The following NECTIN1 variants were observed in gnomAD, a reference collection of about 807,000 sequenced individuals.
The protein encoded by NECTIN1 is nectin cell adhesion molecule 1.
A neutral mutation model predicts 48.0 loss-of-function variants in NECTIN1; 23 were observed. The ratio of observed to expected loss-of-function variants is 0.48; its 90% CI spans 0.34 to 0.68. NECTIN1 has a LOEUF of 0.68. Ranked by LOEUF, NECTIN1 falls within the 30% of genes least tolerant of loss-of-function variation. The probability of loss-of-function intolerance (pLI) is 0.01; values close to 1 mark genes in which losing one functional copy is unlikely to be tolerated. For missense variants in NECTIN1, 591 were observed against 709.9 expected, an observed-to-expected ratio of 0.83 and a Z score of 1.90; for synonymous variants, 270 against 288.9, an observed-to-expected ratio of 0.93 and a Z score of 0.66.
chr11:119,682,763 C>T (rs1373120761), intron 1 of NECTIN1, among the ~76,000 whole-genome samples: 2 of 151,984 alleles, frequency 1.3e-5, no homozygotes, highest in African/African-American at 4.8e-5. Flanking sequence ...TCATCATCAC[C>T]ATCATCTTTC....
intron 5 of NECTIN1, among the ~76,000 whole-genome samples, chr11:119,644,516 C>T (rs1591436395): frequency 6.6e-6 from 1 of 152,338 alleles, no homozygotes; most frequent in East Asian, 1.9e-4. Context: ...GTTGTTCCTC[C>T]TTCAGTTAGA....
chr11:119,712,316 G>C (rs1026170615), intron 1 of NECTIN1, among the ~76,000 whole-genome samples: 1 of 148,240 alleles, frequency 6.7e-6, no homozygotes, highest in Non-Finnish European at 1.5e-5. Context: ...TCAAGGTCAC[G>C]GTCCCAGAGA....
rs1361814143 is a variant in NECTIN1 at position 119,663,230 on chromosome 11, G to A, written c.*1517C>T. 5.1e-6 allele frequency: 5 copies of A among 985,384 alleles called. No individual in the cohort carries two copies. The highest frequency in any genetic ancestry group is 6.0e-6 in the Non-Finnish European group (5 of 829,962). The allele number at this position is 985,384 out of a possible 1,614,324, so 61.0% of individuals were successfully genotyped here. ...CTCCATCCCAGGGTCCTTCCCATGG[G>A]CATGCCTGTCTAGAGTGCCAGGGGA... On this transcript the variant is annotated 3_prime_UTR_variant, in exon 6 of 6. Transcript: ENST00000264025.
intron 1 of NECTIN1, among the ~76,000 whole-genome samples, chr11:119,706,462 G>T (rs561987364): frequency 6.6e-6 from 1 of 152,234 alleles, no homozygotes; most frequent in Admixed American, 6.5e-5. Flanking sequence ...AGAACTGCTG[G>T]TTGCCTAGGA....
At chr11:119,654,369 T>A (rs1242134481) in intron 5 of NECTIN1, 1 of 152,042 alleles carries the variant, frequency 6.6e-6, no homozygotes, top group African/African-American at 2.4e-5. Context: ...CATGCCAACC[T>A]CCTAAGGTCA....
chr11:119,680,784 C>G (rs568970143), intron 1 of NECTIN1, among the ~76,000 whole-genome samples: 1 of 152,374 alleles, frequency 6.6e-6, no homozygotes, highest in South Asian at 2.1e-4. Flanking sequence ...AGGCCTATCC[C>G]CACCCTCACT....
At chr11:119,717,028 G>A (rs1865754477) in intron 1 of NECTIN1, among the ~76,000 whole-genome samples, 3 of 152,278 alleles carry the variant, frequency 2.0e-5, no homozygotes, top group South Asian at 4.1e-4. Flanking sequence ...GGGGCTAGCA[G>A]TAATGGAGTG....
At position 119,701,955 on chromosome 11, in the gene NECTIN1, C is replaced by T. The variant is rs898499520; in HGVS notation, c.80-23190G>A. Among the ~76,000 whole-genome samples, 6 of 152,190 alleles carry T rather than the reference C, an allele frequency of 3.9e-5. No individual in the cohort carries two copies. In the East Asian group the frequency reaches 7.7e-4, roughly 20 times the overall value. On this transcript the variant is annotated intron_variant, in intron 1 of 5. Coordinates refer to ENST00000264025, the MANE Select transcript of NECTIN1 (RefSeq NM_002855.5). Reference sequence around the variant, plus strand: ...ACTCCCAATTATCTCCCTCTATGCCCGCCGGCTCCAGGGGCGACAGTTGTA... The same window carrying T: ...ACTCCCAATTATCTCCCTCTATGCCTGCCGGCTCCAGGGGCGACAGTTGTA...
chr11:119,692,798 C>A (rs1254697149), intron 1 of NECTIN1, among the ~76,000 whole-genome samples: 1 of 152,244 alleles, frequency 6.6e-6, no homozygotes, highest in East Asian at 1.9e-4. Flanking sequence ...TGATTCTGAT[C>A]AGGGCAGTCT....
chr11:119,703,066 A>C (rs1311907545), intron 1 of NECTIN1, among the ~76,000 whole-genome samples: 1 of 152,210 alleles, frequency 6.6e-6, no homozygotes, highest in Non-Finnish European at 1.5e-5. Flanking sequence ...GAGAACATGC[A>C]TGGCACCTGT....
chr11:119,657,166 C>T (rs978881785), downstream of NECTIN1, among the ~76,000 whole-genome samples: 3 of 152,212 alleles, frequency 2.0e-5, no homozygotes, highest in African/African-American at 4.8e-5. Flanking sequence ...GCACTCAAAC[C>T]CTATGTGTGT....
In NECTIN1 at chr11:119,638,608, G is replaced by A. The variant is rs916561519; in HGVS notation, c.1227+123C>T. On this transcript the variant is annotated intron_variant, in intron 7 of 7. Transcript: ENST00000341398. ...CCCTCTAGCATGGACCTGGCCTTGTGGGAACTGGACCATGAAGGCGTGGCG... is the reference window on the plus strand; with the variant it reads ...CCCTCTAGCATGGACCTGGCCTTGTAGGAACTGGACCATGAAGGCGTGGCG... The A allele has an allele frequency of 1.5e-5, 14 of 920,160 alleles. No individual in the cohort carries two copies. The African/African-American group carries it at 2.3e-4, about 15-fold the overall frequency. 57.0% of individuals were successfully genotyped at this position (920,160 alleles called of 1,614,324 possible). A position where few individuals can be genotyped will look rare whatever the true frequency, so the allele number is the denominator to read the frequency against.
chr11:119,719,262 G>A (rs1004868745), intron 1 of NECTIN1, among the ~76,000 whole-genome samples: 1 of 152,220 alleles, frequency 6.6e-6, no homozygotes, highest in Non-Finnish European at 1.5e-5. Flanking sequence ...GGACAGGAAT[G>A]TGAATAAGAA....
intron 5 of NECTIN1, among the ~76,000 whole-genome samples, chr11:119,655,863 G>A (rs1322664194): frequency 6.6e-6 from 1 of 152,068 alleles, no homozygotes; most frequent in Non-Finnish European, 1.5e-5. Context: ...TCTTGGGGAA[G>A]GTTGGGCTTC....
In NECTIN1 at chr11:119,661,188, G is replaced by T; in HGVS notation, c.*3559C>A. ...ACGCCGAAGCAAGGTAGCGCATCACGCTGGGAGGGGAGGGTGGCAGCTTCT... is the reference window on the plus strand; with the variant it reads ...ACGCCGAAGCAAGGTAGCGCATCACTCTGGGAGGGGAGGGTGGCAGCTTCT... On this transcript the variant is annotated 3_prime_UTR_variant, in exon 6 of 6. Coordinates refer to ENST00000264025, the MANE Select transcript of NECTIN1 (RefSeq NM_002855.5). 3.0e-6 allele frequency: 3 copies of T among 985,850 alleles called. No individual in the cohort carries two copies. The highest frequency in any genetic ancestry group is 3.6e-6 in the Non-Finnish European group (3 of 829,934). The allele number at this position is 985,850 out of a possible 1,614,324, so 61.1% of individuals were successfully genotyped here. A position where few individuals can be genotyped will look rare whatever the true frequency, so the allele number is the denominator to read the frequency against.
chr11:119,721,165 A>G (rs995062335), intron 1 of NECTIN1, among the ~76,000 whole-genome samples: 1 of 152,196 alleles, frequency 6.6e-6, no homozygotes, highest in African/African-American at 2.4e-5. Context: ...GCCTTCCTCC[A>G]TGGAATGATG....
intron 5 of NECTIN1, chr11:119,642,314 A>G (rs1456980965): frequency 6.6e-6 from 1 of 152,018 alleles, no homozygotes; most frequent in Non-Finnish European, 1.5e-5. Context: ...TCTTCTCAGC[A>G]CAGCTGAGGC....
chr11:119,694,062 C>G (rs1033437922), intron 1 of NECTIN1, among the ~76,000 whole-genome samples: 2 of 152,184 alleles, frequency 1.3e-5, no homozygotes, highest in African/African-American at 4.8e-5. Flanking sequence ...TGAGACCAGT[C>G]TGGGGCAGAA....
chr11:119,716,475 C>T (rs1051010557), intron 1 of NECTIN1, among the ~76,000 whole-genome samples: 1 of 152,190 alleles, frequency 6.6e-6, no homozygotes, highest in Non-Finnish European at 1.5e-5. Context: ...CATTGTACAG[C>T]TAGGGGAACT....
Sources: gnomAD v4.1 joint callset for allele counts (sites outside exome capture counted in the v4.1 genomes callset) on GRCh38, gnomAD v4.1.1 for gene constraint, MANE v1.5 for transcripts, NCBI Gene and HGNC (gene_info 2026-07-23, HGNC 2026-07-21) for gene names.